AACS: variants seen among roughly 807,000 people sequenced by gnomAD.
AACS encodes acetoacetate-CoA ligase.
AACS carries 69 observed loss-of-function variants against 83.1 expected under a neutral mutation model. The observed-to-expected ratio is 0.83, with a 90% CI of 0.68 to 1.01. The LOEUF (loss-of-function observed/expected upper bound fraction) is 1.01. Among genes scored for constraint, AACS ranks in the 50% least tolerant of loss-of-function variants. AACS has a pLI of 0.00. For missense variants in AACS, 866 were observed against 882.2 expected (o/e 0.98, Z 0.23); for synonymous variants, 333 against 343.4 (o/e 0.97, Z 0.33).
intron 16 of AACS, 31 bp downstream of exon 16, chr12:125,134,883 A>G: frequency 6.2e-7 from 1 of 1,613,658 alleles, no homozygotes; most frequent in Non-Finnish European, 8.5e-7. Flanking sequence ...AGCGTTCTCC[A>G]GTCTCCAGGA....
At chr12:125,134,129 G>T (rs1364517224) in intron 15 of AACS, 57 bp downstream of exon 15, 22 of 1,571,038 alleles carry the variant, frequency 1.4e-5, no homozygotes, top group Non-Finnish European at 1.8e-5. Flanking sequence ...AGAGGCATGG[G>T]GGTGGGAGAG....
At chr12:125,088,570 T>A (rs940435871) in intron 4 of AACS, among the ~76,000 whole-genome samples, 1 of 152,214 alleles carries the variant, frequency 6.6e-6, no homozygotes, top group African/African-American at 2.4e-5. Flanking sequence ...CCTCACTTTT[T>A]GGGTTCTTGG....
intron 9 of AACS, among the ~76,000 whole-genome samples, chr12:125,116,048 G>GT (rs200170579): frequency 7.9e-5 from 12 of 151,340 alleles, no homozygotes; most frequent in Admixed American, 2.6e-4. Flanking sequence ...AATGATTCAG[G>GT]TTTTTTTTTC....
chr12:125,067,471 A>G (rs1217374659), intron 1 of AACS, among the ~76,000 whole-genome samples: 1 of 151,966 alleles, frequency 6.6e-6, no homozygotes, highest in Non-Finnish European at 1.5e-5. Flanking sequence ...GGGCAGCCCT[A>G]TTAGATGGGT....
intron 5 of AACS, 128 bp downstream of exon 5, chr12:125,091,651 A>G: frequency 4.5e-6 from 4 of 896,626 alleles, no homozygotes; most frequent in Non-Finnish European, 7.1e-6. Flanking sequence ...GTGGCGTTGC[A>G]GCTGCCTCTA....
intron 8 of AACS, among the ~76,000 whole-genome samples, chr12:125,114,068 G>A (rs57450045): frequency 0.024 from 3,490 of 147,578 alleles, 138 homozygotes; most frequent in African/African-American, 0.082. Flanking sequence ...GCTGTTCCCT[G>A]TCCCTCATGA....
At chr12:125,125,221 C>G (rs368211625) in intron 12 of AACS, among the ~76,000 whole-genome samples, 197 bp downstream of exon 12, 70 of 152,300 alleles carry the variant, frequency 4.6e-4, no homozygotes, top group African/African-American at 1.6e-3. Flanking sequence ...AACCCTTGCT[C>G]CTGGGGGAAA....
At chr12:125,082,177 T>A (rs1956206380) in intron 3 of AACS, among the ~76,000 whole-genome samples, 2 of 151,270 alleles carry the variant, frequency 1.3e-5, no homozygotes, top group South Asian at 2.1e-4. Context: ...CCTGATTTTT[T>A]TTTTTTTTTT....
rs529691222 is a variant in AACS, at chr12:125,140,055, A to C, written c.1882-2037A>C. On this transcript the variant is annotated intron_variant, in intron 17 of 17. Coordinates refer to ENST00000316519, the MANE Select transcript of AACS (RefSeq NM_023928.5). This position sits in a 1 kb window ranked among gnomAD's most constrained non-coding sequence, Gnocchi z 5.1. ...TCAGCTCTGCCTTCTGCTCACCCAG[A>C]ATAAAGACCTGGGGACCCCGCGAGG... 6 of 152,274 alleles carry C rather than the reference A, an allele frequency of 3.9e-5. No homozygotes were observed. In the East Asian group the frequency reaches 1.2e-3, roughly 30 times the overall value. The allele number at this position is 152,274 out of a possible 1,614,324, so 9.4% of individuals were successfully genotyped here.
At chr12:125,079,248 G>C (rs896350139) in intron 3 of AACS, among the ~76,000 whole-genome samples, 7 of 152,148 alleles carry the variant, frequency 4.6e-5, no homozygotes, top group Non-Finnish European at 1.0e-4. Context: ...AGGTGTGAGA[G>C]GGAGTGGGCC....
intron 1 of AACS, among the ~76,000 whole-genome samples, chr12:125,070,638 G>A (rs777587393): frequency 2.6e-5 from 4 of 152,218 alleles, no homozygotes; most frequent in Non-Finnish European, 4.4e-5. Context: ...AGGTGCCCAA[G>A]ATAATAATAG....
rs934279794 is a variant in AACS, at chr12:125,130,431, A to G, written c.1549+971A>G. 2.6e-5 allele frequency among the ~76,000 whole-genome samples: 4 copies of G among 152,248 alleles called. No individual in the cohort carries two copies. The highest frequency in any genetic ancestry group is 9.6e-5 in the African/African-American group (4 of 41,462). On this transcript the variant is annotated intron_variant, in intron 14 of 17. Transcript: ENST00000316519. This position sits in a 1 kb window ranked among gnomAD's most constrained non-coding sequence, Gnocchi z 4.9. ...GAAAAGCAAGAGTGGATGTAGAGAAACACTCATCAGATGACCCTGAAGAGG... is the reference window on the plus strand; with the variant it reads ...GAAAAGCAAGAGTGGATGTAGAGAAGCACTCATCAGATGACCCTGAAGAGG...
In AACS at chr12:125,065,578, C is replaced by T; in HGVS notation, c.-7C>T. ...CCTCGTCGCAGCCCCGGCCGCCCGC[C>T]GCCGCCATGTCCAAGGAGGAGCGCC... On this transcript the variant is annotated 5_prime_UTR_variant, in exon 1 of 18. Transcript: ENST00000316519. The T allele has an allele frequency of 6.6e-7, 1 of 1,508,958 alleles. No homozygotes were observed. The highest frequency in any genetic ancestry group is 1.3e-5 in the South Asian group (1 of 79,774). 93.5% of individuals were successfully genotyped at this position (1,508,958 alleles called of 1,614,324 possible).
intron 5 of AACS, 124 bp from the exon 6 acceptor site, chr12:125,102,555 C>T: frequency 1.2e-6 from 1 of 801,756 alleles, no homozygotes; most frequent in Non-Finnish European, 2.2e-6. Context: ...ACCTTGAACT[C>T]CTGGGCTCAA....
chr12:125,065,691 TG>T lies in AACS; in HGVS notation c.110del (p.Gly37AlafsTer91). Reference protein sequence around the residue: ...NTQMDRFRAAVGAACGLALES... With the variant: ...NTQMDRFRAAXGAACGLALES... Reference sequence around the variant, plus strand: ...CAGATGGACCGCTTCCGGGCGGCTGTGGGCGCCGCCTGCGGCCTGGCGCTGG... The same window carrying T: ...CAGATGGACCGCTTCCGGGCGGCTGTGGCGCCGCCTGCGGCCTGGCGCTGG... On this transcript the variant is annotated frameshift_variant, in exon 1 of 18. Coordinates refer to ENST00000316519, the MANE Select transcript of AACS (RefSeq NM_023928.5). LOFTEE classifies it high-confidence loss of function. The T allele has an allele frequency of 6.5e-7, 1 of 1,542,262 alleles. No individual in the cohort carries two copies. Among genetic ancestry groups the T allele is most frequent in the South Asian group, 1.2e-5 (1 of 83,166 alleles).
intron 13 of AACS, 68 bp downstream of exon 13, chr12:125,128,342 G>A: frequency 1.4e-6 from 2 of 1,399,770 alleles, no homozygotes; most frequent in East Asian, 4.8e-5. Context: ...GCGTTCGGAT[G>A]TGTAACTTTG....
At chr12:125,090,397 A>G (rs1254743080) in intron 4 of AACS, among the ~76,000 whole-genome samples, 2 of 150,234 alleles carry the variant, frequency 1.3e-5, no homozygotes, top group Non-Finnish European at 2.9e-5. Flanking sequence ...TCCTCCACCC[A>G]TCATCTACCC....
chr12:125,085,608 A>G (rs1324930020), intron 3 of AACS, among the ~76,000 whole-genome samples: 3 of 152,210 alleles, frequency 2.0e-5, no homozygotes, highest in African/African-American at 4.8e-5. Context: ...AACTACACAC[A>G]TGCATGTTGC....
intron 7 of AACS, among the ~76,000 whole-genome samples, chr12:125,104,969 G>T (rs1402273970): frequency 6.6e-6 from 1 of 150,886 alleles, no homozygotes; most frequent in Non-Finnish European, 1.5e-5. Context: ...AAGTGGAGCG[G>T]GCACTTTACA....
Sources: allele counts gnomAD v4.1 joint callset (sites outside exome capture counted in the v4.1 genomes callset), GRCh38; gene constraint gnomAD v4.1.1; non-coding constraint Gnocchi (gnomAD v3.1); transcripts MANE v1.5; gene names NCBI Gene and HGNC (gene_info 2026-07-23, HGNC 2026-07-21).